Variants in GALNTL6 observed in about 807,000 individuals in gnomAD.
GALNTL6 encodes the protein polypeptide N-acetylgalactosaminyltransferase-like 6.
GALNTL6 carries 46 observed loss-of-function variants against 73.7 expected under a neutral mutation model. The ratio of observed to expected loss-of-function variants is 0.62; its 90% CI spans 0.49 to 0.80. The LOEUF (loss-of-function observed/expected upper bound fraction) is 0.80. Ranked by LOEUF, GALNTL6 falls within the 30% of genes least tolerant of loss-of-function variation. GALNTL6 has a pLI of 0.00. For synonymous variants in GALNTL6, 259 were observed against 263.7 expected, an observed-to-expected ratio of 0.98 and a Z score of 0.17; for missense variants, 604 against 755.0, an observed-to-expected ratio of 0.80 and a Z score of 2.34.
intron 3 of GALNTL6, among the ~76,000 whole-genome samples, chr4:172,303,992 A>G (rs1740033490): frequency 6.6e-6 from 1 of 152,126 alleles, no homozygotes; most frequent in Admixed American, 6.5e-5. Context: ...TTTGCTAATG[A>G]TTTCTCACCC....
intron 2 of GALNTL6, among the ~76,000 whole-genome samples, chr4:171,857,152 T>TGTA (rs1455312287): frequency 1.3e-5 from 2 of 152,306 alleles, no homozygotes; most frequent in African/African-American, 4.8e-5. Context: ...TTCATGTACA[T>TGTA]GTAAGCATGT....
chr4:172,362,195 C>T (rs998162127), intron 5 of GALNTL6, among the ~76,000 whole-genome samples: 6 of 152,124 alleles, frequency 3.9e-5, no homozygotes, highest in African/African-American at 7.2e-5. Context: ...GAGGCACTAT[C>T]TTCAGAGGCC....
intron 5 of GALNTL6, among the ~76,000 whole-genome samples, chr4:172,760,575 G>A (rs971396491): frequency 6.6e-6 from 1 of 152,018 alleles, no homozygotes; most frequent in Admixed American, 6.5e-5. Flanking sequence ...GAACATTGAT[G>A]CCCTGCTTCT....
chr4:172,507,524 C>A (rs112428219), intron 5 of GALNTL6, among the ~76,000 whole-genome samples: 1,606 of 54,260 alleles, frequency 0.03, 621 homozygotes, highest in East Asian at 0.2. Context: ...TTCATTCATT[C>A]TCTAGGGCCT....
intron 2 of GALNTL6, among the ~76,000 whole-genome samples, chr4:172,199,176 G>T (rs190203634): frequency 1.7e-3 from 264 of 152,216 alleles, no homozygotes; most frequent in African/African-American, 6.0e-3. Flanking sequence ...TGTTTGTTGA[G>T]CAAATAAACA....
intron 10 of GALNTL6, among the ~76,000 whole-genome samples, chr4:172,974,723 G>A (rs75486681): frequency 1.3e-5 from 2 of 152,360 alleles, no homozygotes; most frequent in African/African-American, 2.4e-5. Flanking sequence ...TGTCAAGGGC[G>A]AGCCAAGTGC....
intron 5 of GALNTL6, among the ~76,000 whole-genome samples, chr4:172,516,698 A>T (rs1471381951): frequency 1.3e-5 from 2 of 152,202 alleles, no homozygotes; most frequent in African/African-American, 4.8e-5. Flanking sequence ...CATCCAAAAG[A>T]ATTGAAAGCA....
intron 2 of GALNTL6, among the ~76,000 whole-genome samples, chr4:171,854,277 C>T (rs1044512468): frequency 6.6e-6 from 1 of 152,144 alleles, no homozygotes; most frequent in African/African-American, 2.4e-5. Flanking sequence ...AGGAAAGCTG[C>T]TCTTGGCCCA....
At chr4:172,546,912 T>C (rs1432770874) in intron 5 of GALNTL6, among the ~76,000 whole-genome samples, 1 of 150,270 alleles carries the variant, frequency 6.7e-6, no homozygotes, top group Non-Finnish European at 1.5e-5. Context: ...CACACTCACA[T>C]TGTTGTGCAG....
intron 3 of GALNTL6, among the ~76,000 whole-genome samples, chr4:172,255,202 A>C (rs79850751): frequency 0.023 from 3,421 of 151,752 alleles, 118 homozygotes; most frequent in African/African-American, 0.078. Flanking sequence ...AATGCTTAGA[A>C]TACTGCTTAA....
chr4:171,978,138 T>C (rs1232017785), intron 2 of GALNTL6, among the ~76,000 whole-genome samples: 2 of 152,148 alleles, frequency 1.3e-5, no homozygotes, highest in East Asian at 1.9e-4. Flanking sequence ...GTGATTTTCA[T>C]AGCAAAATTG....
At chr4:172,100,977 C>T (rs1258519689) in intron 2 of GALNTL6, among the ~76,000 whole-genome samples, 1 of 152,070 alleles carries the variant, frequency 6.6e-6, no homozygotes, top group Admixed American at 6.5e-5. Flanking sequence ...AGCAAGATGA[C>T]CAGCCAGCTT....
At chr4:171,869,669 C>A (rs993260336) in intron 2 of GALNTL6, among the ~76,000 whole-genome samples, 5 of 152,178 alleles carry the variant, frequency 3.3e-5, no homozygotes, top group African/African-American at 1.2e-4. Flanking sequence ...GCTGTGTCCT[C>A]ACCCAAATCT....
In GALNTL6 at chr4:172,156,553, A is replaced by ATATAC. The variant is rs1560945683; in HGVS notation, c.139-73099_139-73098insCTATA. ...ACATATATATATAATATATATATAT[A>ATATAC]TATATATATATATACATACTATATA... On this transcript the variant is annotated intron_variant, in intron 2 of 12. Transcript: ENST00000506823. 2.1e-3 allele frequency among the ~76,000 whole-genome samples: 283 copies of ATATAC among 137,596 alleles called. 10 individuals are homozygous for ATATAC. The highest frequency in any genetic ancestry group is 6.8e-3 in the African/African-American group (243 of 35,606). The allele number at this position is 137,596 out of a possible 152,430, so 90.3% of individuals were successfully genotyped here.
intron 2 of GALNTL6, among the ~76,000 whole-genome samples, chr4:171,955,329 C>A (rs1022582113): frequency 6.6e-6 from 1 of 151,382 alleles, no homozygotes; most frequent in South Asian, 2.1e-4. Flanking sequence ...ATATATACAC[C>A]TTTTTATTTG....
At chr4:172,015,794 A>C (rs1328992155) in intron 2 of GALNTL6, among the ~76,000 whole-genome samples, 1 of 151,934 alleles carries the variant, frequency 6.6e-6, no homozygotes, top group Non-Finnish European at 1.5e-5. Flanking sequence ...ATCTTCATTT[A>C]TGAAGTTCAG....
chr4:172,537,808 A>G (rs1045361531), intron 5 of GALNTL6, among the ~76,000 whole-genome samples: 1 of 152,252 alleles, frequency 6.6e-6, no homozygotes, highest in Non-Finnish European at 1.5e-5. Context: ...ATATAAATCT[A>G]GTGAAACCAA....
chr4:172,622,764 T>A (rs7692814), intron 5 of GALNTL6, among the ~76,000 whole-genome samples: 54,101 of 151,968 alleles, frequency 0.36, 10,371 homozygotes, highest in Middle Eastern at 0.5. Context: ...GTGTGCCAGG[T>A]ACAGTAGAAA....
intron 2 of GALNTL6, among the ~76,000 whole-genome samples, chr4:172,047,774 T>C (rs1234078383): frequency 1.3e-5 from 2 of 152,070 alleles, no homozygotes; most frequent in African/African-American, 4.8e-5. Flanking sequence ...AAACAAAGAA[T>C]TGATAGTCAA....
Sources: allele counts gnomAD v4.1 joint callset (sites outside exome capture counted in the v4.1 genomes callset), GRCh38; gene constraint gnomAD v4.1.1; transcripts MANE v1.5; gene names NCBI Gene and HGNC (gene_info 2026-07-23, HGNC 2026-07-21).